UBTD1: variants seen among roughly 807,000 people sequenced by gnomAD.
UBTD1 encodes ubiquitin domain-containing protein 1.
A neutral mutation model predicts 21.7 loss-of-function variants in UBTD1; 19 were observed. The observed-to-expected ratio is 0.87, with a 90% confidence interval of 0.61 to 1.28. The LOEUF is 1.28. Ranked by LOEUF, UBTD1 falls within the 50% of genes most tolerant of loss-of-function variation. The pLI is 0.00. For synonymous variants in UBTD1, 116 were observed against 135.1 expected (o/e 0.86, Z 0.98); for missense variants, 282 against 315.1 (o/e 0.89, Z 0.80).
intron 1 of UBTD1, among the ~76,000 whole-genome samples, chr10:97,527,494 A>G (rs1008825482): frequency 6.8e-6 from 1 of 147,878 alleles, no homozygotes; most frequent in Non-Finnish European, 1.5e-5. Flanking sequence ...TTATTTTTTT[A>G]TTGATCATTC....
At position 97,567,920 on chromosome 10, in the gene UBTD1, A is replaced by G. The variant is rs758734556; in HGVS notation, c.77A>G (p.Asn26Ser). 9.9e-6 allele frequency: 16 copies of G among 1,614,118 alleles called. No homozygotes were observed. Among genetic ancestry groups the G allele is most frequent in the East Asian group, 6.7e-5 (3 of 44,866 alleles). ...CTCCTTCTGTCCTGCCCAGGACGCAATGAGCCCCTGAAGAAAGAGCGGCTT... is the reference window on the plus strand; with the variant it reads ...CTCCTTCTGTCCTGCCCAGGACGCAGTGAGCCCCTGAAGAAAGAGCGGCTT... Reference protein sequence around the residue: ...PGHPRKRAGRNEPLKKERLKW... With the variant: ...PGHPRKRAGRSEPLKKERLKW... Residue 26 changes from asparagine to serine, a missense_variant, in exon 2 of 3, where the codon AAT becomes AGT. By Grantham distance (46) the Asn-to-Ser change is conservative. Transcript: ENST00000370664.
chr10:97,508,306 C>CT lies in UBTD1; in HGVS notation c.70+9039dup, dbSNP rs528955151. 3.1e-3 allele frequency among the ~76,000 whole-genome samples: 473 copies of CT among 152,290 alleles called. 6 individuals carry two copies. Among genetic ancestry groups the CT allele is most frequent in the African/African-American group, 0.011 (449 of 41,550 alleles). ...TCATGAGAATGGGAAGAAGAGAACG[C>CT]TTTTTTGTTTTGTTTTGTTTTTTAA... On this transcript the variant is annotated intron_variant, in intron 1 of 2. Coordinates refer to ENST00000370664, the MANE Select transcript of UBTD1 (RefSeq NM_024954.5).
intron 1 of UBTD1, among the ~76,000 whole-genome samples, chr10:97,547,363 G>A (rs1202318511): frequency 6.6e-6 from 1 of 152,150 alleles, no homozygotes; most frequent in Non-Finnish European, 1.5e-5. Flanking sequence ...AACCTCTGGG[G>A]AGTTCCTGTT....
Position 97,499,155 on chromosome 10 carries a change from C to A in UBTD1, c.-49C>A. ...CGGGACGCCGCCGTCCGCTGAGCAG[C>A]CGACCACCCCGCCGCCTCCGGTGCA... is the stretch of plus-strand genomic sequence containing the variant. On this transcript the variant is annotated 5_prime_UTR_variant, in exon 1 of 3. Transcript: ENST00000370664. 1 of 1,497,918 alleles carries A rather than the reference C, an allele frequency of 6.7e-7. No homozygotes were observed. Among genetic ancestry groups the A allele is most frequent in the Non-Finnish European group, 8.9e-7 (1 of 1,119,042 alleles). The allele number at this position is 1,497,918 out of a possible 1,614,324, so 92.8% of individuals were successfully genotyped here. A position where few individuals can be genotyped will look rare whatever the true frequency, so the allele number is the denominator to read the frequency against.
At chr10:97,531,624 C>G (rs2040532482) in intron 1 of UBTD1, among the ~76,000 whole-genome samples, 1 of 152,176 alleles carries the variant, frequency 6.6e-6, no homozygotes, top group Non-Finnish European at 1.5e-5. Context: ...TGCTTGGGAT[C>G]ACTGGGTCAT....
At chr10:97,547,110 G>A (rs1327898710) in intron 1 of UBTD1, among the ~76,000 whole-genome samples, 5 of 152,164 alleles carry the variant, frequency 3.3e-5, no homozygotes, top group East Asian at 1.9e-4. Context: ...ATGTCTGAGC[G>A]CTCGTGGCAG....
At chr10:97,502,650 T>G (rs867401137) in intron 1 of UBTD1, among the ~76,000 whole-genome samples, 49 of 152,122 alleles carry the variant, frequency 3.2e-4, no homozygotes, top group Admixed American at 2.0e-4. Context: ...AGCGAGAAAG[T>G]TATTGAGGTG....
chr10:97,532,814 G>A (rs1177382945), intron 1 of UBTD1, among the ~76,000 whole-genome samples: 1 of 149,696 alleles, frequency 6.7e-6, no homozygotes, highest in African/African-American at 2.5e-5. Flanking sequence ...AAGAAAGAAA[G>A]AAAGAAAGCC....
At chr10:97,565,371 G>A (rs1443851022) in intron 1 of UBTD1, among the ~76,000 whole-genome samples, 4 of 152,208 alleles carry the variant, frequency 2.6e-5, no homozygotes, top group Non-Finnish European at 5.9e-5. Flanking sequence ...AAACTGACAG[G>A]AATTATATTG....
Position 97,498,983 on chromosome 10 carries a change from C to A in UBTD1, c.-221C>A. On this transcript the variant is annotated 5_prime_UTR_variant, in exon 1 of 3. Coordinates refer to ENST00000370664, the MANE Select transcript of UBTD1 (RefSeq NM_024954.5). ...GGGCACCGTCGCGGGCCCCCCTGGCCCGGCCACCTGGGACCGTGCTGGGGA... is the reference window on the plus strand; with the variant it reads ...GGGCACCGTCGCGGGCCCCCCTGGCACGGCCACCTGGGACCGTGCTGGGGA... 2.1e-6 allele frequency: 1 copy of A among 484,022 alleles called. No homozygotes were observed. The highest frequency in any genetic ancestry group is 3.5e-6 in the Non-Finnish European group (1 of 281,982). 30.0% of individuals were successfully genotyped at this position (484,022 alleles called of 1,614,324 possible).
At chr10:97,569,551 G>T (rs2040734843) in intron 2 of UBTD1, among the ~76,000 whole-genome samples, 1 of 152,218 alleles carries the variant, frequency 6.6e-6, no homozygotes, top group Non-Finnish European at 1.5e-5. Flanking sequence ...ACTGTGGGGT[G>T]GCCATGGCAG....
chr10:97,510,349 G>A (rs543202286), intron 1 of UBTD1, among the ~76,000 whole-genome samples: 2 of 152,332 alleles, frequency 1.3e-5, no homozygotes, highest in African/African-American at 2.4e-5. Context: ...AGGTCATTAT[G>A]ACAAATGTTT....
At chr10:97,526,462 G>A (rs1589872204) in intron 1 of UBTD1, among the ~76,000 whole-genome samples, 1 of 152,080 alleles carries the variant, frequency 6.6e-6, no homozygotes, top group Admixed American at 6.5e-5. Context: ...CTAAAACTCT[G>A]CCTACCATGA....
chr10:97,511,807 G>A (rs1447386836), intron 1 of UBTD1, among the ~76,000 whole-genome samples: 1 of 152,160 alleles, frequency 6.6e-6, no homozygotes, highest in Non-Finnish European at 1.5e-5. Flanking sequence ...TACCATGTGT[G>A]TGGTAGGCAC....
At chr10:97,537,673 C>T (rs1477985463) in intron 1 of UBTD1, among the ~76,000 whole-genome samples, 1 of 152,120 alleles carries the variant, frequency 6.6e-6, no homozygotes, top group Non-Finnish European at 1.5e-5. Flanking sequence ...TCCCAGCCAG[C>T]CGGAGCCTAT....
chr10:97,501,550 G>A (rs933719769), intron 1 of UBTD1, among the ~76,000 whole-genome samples: 8 of 152,002 alleles, frequency 5.3e-5, no homozygotes, highest in African/African-American at 9.7e-5. Context: ...CTGAGATTGC[G>A]CCACTGCACT....
At chr10:97,566,154 C>T (rs1042290040) in intron 1 of UBTD1, among the ~76,000 whole-genome samples, 2 of 152,034 alleles carry the variant, frequency 1.3e-5, no homozygotes, top group Non-Finnish European at 2.9e-5. Context: ...TTTTTAAGGC[C>T]CTCATCCCTT....
At chr10:97,563,053 G>A (rs563432103) in intron 1 of UBTD1, among the ~76,000 whole-genome samples, 4 of 152,234 alleles carry the variant, frequency 2.6e-5, no homozygotes, top group Admixed American at 6.5e-5. Context: ...ATATTGTGGG[G>A]TTGTTAGAAG....
At chr10:97,545,011 A>G (rs1386921740) in intron 1 of UBTD1, among the ~76,000 whole-genome samples, 1 of 152,012 alleles carries the variant, frequency 6.6e-6, no homozygotes, top group Non-Finnish European at 1.5e-5. Context: ...CATGTTGTTC[A>G]AGGGTCAACC....
Sources: allele counts gnomAD v4.1 joint callset (sites outside exome capture counted in the v4.1 genomes callset), GRCh38; gene constraint gnomAD v4.1.1; transcripts MANE v1.5; gene names NCBI Gene and HGNC (gene_info 2026-07-23, HGNC 2026-07-21).